Variants in TMTC1 observed in about 807,000 individuals in gnomAD.
TMTC1 encodes the protein protein O-mannosyl-transferase TMTC1.
A neutral mutation model predicts 104.8 loss-of-function variants in TMTC1; 73 were observed. That is an observed-to-expected ratio of 0.70 (90% CI 0.58 to 0.85). The LOEUF is 0.85. Ranked by LOEUF, TMTC1 falls within the 40% of genes least tolerant of loss-of-function variation. The probability of loss-of-function intolerance (pLI) is 0.00; values close to 1 mark genes in which losing one functional copy is unlikely to be tolerated. For synonymous variants in TMTC1, 434 were observed against 428.7 expected, an observed-to-expected ratio of 1.01 and a Z score of -0.15; for missense variants, 1,035 against 1,096.1, an observed-to-expected ratio of 0.94 and a Z score of 0.79.
chr12:29,745,431 C>T (rs540966994), intron 5 of TMTC1, among the ~76,000 whole-genome samples: 42 of 151,936 alleles, frequency 2.8e-4, no homozygotes, highest in African/African-American at 9.4e-4. Flanking sequence ...AAGACCAACC[C>T]GGCCAACATG....
rs140964783 is a variant in TMTC1, at chr12:29,762,342, C to A, written c.481-3565G>T. On this transcript the variant is annotated intron_variant, in intron 2 of 17. Coordinates refer to ENST00000539277, the MANE Select transcript of TMTC1 (RefSeq NM_001193451.2). ...AGATGATATATACATAAAGGGCCTG[C>A]TGGATAAATGCTGGTGCACTTCTTT... 1.8e-4 allele frequency among the ~76,000 whole-genome samples: 27 copies of A among 152,302 alleles called. 1 individual carries two copies. In the East Asian group the frequency reaches 5.2e-3, roughly 29 times the overall value.
At chr12:29,719,798 T>G (rs1942185028) in intron 5 of TMTC1, among the ~76,000 whole-genome samples, 1 of 152,254 alleles carries the variant, frequency 6.6e-6, no homozygotes, top group Admixed American at 6.5e-5. Flanking sequence ...TGAGAACTAC[T>G]TAGCTCATCA....
chr12:29,715,442 A>T (rs1430241863), intron 5 of TMTC1, among the ~76,000 whole-genome samples: 3 of 152,264 alleles, frequency 2.0e-5, no homozygotes, highest in Non-Finnish European at 4.4e-5. Context: ...ACATAAGCTA[A>T]TTTAAAAACT....
chr12:29,549,015 A>T (rs894908054), intron 10 of TMTC1, among the ~76,000 whole-genome samples: 15 of 145,370 alleles, frequency 1.0e-4, no homozygotes, highest in African/African-American at 3.5e-4. Context: ...TATATTATAT[A>T]TTATATGTTA....
At chr12:29,539,795 T>G (rs1299006253) in intron 10 of TMTC1, among the ~76,000 whole-genome samples, 3 of 152,146 alleles carry the variant, frequency 2.0e-5, no homozygotes, top group African/African-American at 4.8e-5. Flanking sequence ...CAACCTCAAT[T>G]TACAGTACTA....
chr12:29,744,456 T>C (rs1380156476), intron 5 of TMTC1, among the ~76,000 whole-genome samples: 1 of 152,228 alleles, frequency 6.6e-6, no homozygotes, highest in African/African-American at 2.4e-5. Context: ...TTTGCCTCCT[T>C]AGCATGTGAT....
chr12:29,512,225 G>A (rs1592147696), intron 16 of TMTC1, 105 bp from the exon 17 acceptor site: 2 of 817,332 alleles, frequency 2.4e-6, no homozygotes, highest in East Asian at 2.6e-5. Context: ...GTAATACAAT[G>A]AAACCAGCCG....
At chr12:29,616,845 T>C (rs1226222489) in intron 6 of TMTC1, among the ~76,000 whole-genome samples, 1 of 152,158 alleles carries the variant, frequency 6.6e-6, no homozygotes, top group African/African-American at 2.4e-5. Flanking sequence ...GGAAGGCTTC[T>C]TGGCATCGTT....
At chr12:29,657,223 A>G (rs1052099806) in intron 5 of TMTC1, among the ~76,000 whole-genome samples, 4 of 152,238 alleles carry the variant, frequency 2.6e-5, no homozygotes, top group African/African-American at 9.6e-5. Context: ...TGGAGCCATT[A>G]TCCAAGAATA....
intron 5 of TMTC1, among the ~76,000 whole-genome samples, chr12:29,653,156 C>A (rs907206342): frequency 6.6e-6 from 1 of 151,796 alleles, no homozygotes; most frequent in Non-Finnish European, 1.5e-5. Flanking sequence ...TGGATCCTAA[C>A]GGGTGTAGGA....
intron 5 of TMTC1, among the ~76,000 whole-genome samples, chr12:29,726,536 T>C (rs1278707527): frequency 6.6e-6 from 1 of 152,130 alleles, no homozygotes; most frequent in Non-Finnish European, 1.5e-5. Context: ...GACAAGCATA[T>C]AAACAGAGGT....
intron 8 of TMTC1, among the ~76,000 whole-genome samples, chr12:29,582,942 C>T (rs1330939494): frequency 6.6e-6 from 1 of 152,196 alleles, no homozygotes; most frequent in Non-Finnish European, 1.5e-5. Flanking sequence ...TCATGAATGG[C>T]AGTCTCAAAG....
chr12:29,771,678 G>A (rs1943597602), intron 1 of TMTC1, among the ~76,000 whole-genome samples: 1 of 152,156 alleles, frequency 6.6e-6, no homozygotes, highest in African/African-American at 2.4e-5. Context: ...TATTCTACCT[G>A]AGGATGGGAG....
chr12:29,511,147 T>A (rs956147977), intron 17 of TMTC1, among the ~76,000 whole-genome samples: 1 of 152,246 alleles, frequency 6.6e-6, no homozygotes, highest in African/African-American at 2.4e-5. Context: ...ATCTTCTTTC[T>A]CTTTTTTCTC....
intron 5 of TMTC1, among the ~76,000 whole-genome samples, chr12:29,747,247 T>C (rs140585837): frequency 3.1e-4 from 47 of 152,282 alleles, no homozygotes; most frequent in South Asian, 2.9e-3. Flanking sequence ...TGTGCCTGAA[T>C]TTGATGTATT....
chr12:29,670,782 T>G (rs141340390), intron 5 of TMTC1, among the ~76,000 whole-genome samples: 1,983 of 150,840 alleles, frequency 0.013, 31 homozygotes, highest in African/African-American at 0.046. Context: ...TACAAAAAAA[T>G]TAGCCTGGCA....
chr12:29,617,167 T>C lies in TMTC1; in HGVS notation c.1129-12868A>G, dbSNP rs1394476764. Among the ~76,000 whole-genome samples the C allele has an allele frequency of 2.0e-5, 3 of 151,994 alleles. No individual in the cohort carries two copies. The East Asian group carries it at 5.8e-4, about 29-fold the overall frequency. The stretch of plus-strand genomic sequence containing the variant: ...CATTTCCATCACACCACTGGGTATG[T>C]GACGGCTCACTCCAGTTAGTCATGC... On this transcript the variant is annotated intron_variant, in intron 6 of 17. Coordinates refer to ENST00000539277, the MANE Select transcript of TMTC1 (RefSeq NM_001193451.2).
chr12:29,613,250 G>A (rs181094982), intron 6 of TMTC1, among the ~76,000 whole-genome samples: 14 of 152,236 alleles, frequency 9.2e-5, no homozygotes, highest in Non-Finnish European at 1.5e-4. Context: ...CAGGAGAAAG[G>A]GGGGCTTGAG....
chr12:29,595,841 C>T (rs973142930), intron 7 of TMTC1, among the ~76,000 whole-genome samples: 16 of 152,088 alleles, frequency 1.1e-4, no homozygotes, highest in South Asian at 2.1e-4. Flanking sequence ...GGACTGAAGA[C>T]GTGGAAAGGA....
Sources: allele counts gnomAD v4.1 joint callset (sites outside exome capture counted in the v4.1 genomes callset), GRCh38; gene constraint gnomAD v4.1.1; transcripts MANE v1.5; gene names NCBI Gene and HGNC (gene_info 2026-07-23, HGNC 2026-07-21).